The following COLQ variants were observed in gnomAD, a reference collection of about 807,000 sequenced individuals.
COLQ encodes the protein collagen like tail subunit of asymmetric acetylcholinesterase.
Under a neutral mutation model 69.0 loss-of-function variants are expected in COLQ, and 48 were observed. The ratio of observed to expected loss-of-function variants is 0.70; its 90% CI spans 0.55 to 0.88. COLQ has a LOEUF of 0.88. Among genes scored for constraint, COLQ ranks in the 40% least tolerant of loss-of-function variants. COLQ has a pLI of 0.00. For missense variants in COLQ, 618 were observed against 594.6 expected (o/e 1.04, Z -0.41); for synonymous variants, 217 against 211.2 (o/e 1.03, Z -0.24).
intron 11 of COLQ, among the ~76,000 whole-genome samples, chr3:15,469,121 C>T (rs995975257): frequency 1.3e-5 from 2 of 152,204 alleles, no homozygotes; most frequent in Non-Finnish European, 1.5e-5. Context: ...GCAGCACCCT[C>T]GGGTTGTTCA....
chr3:15,478,764 T>C, intron 5 of COLQ: 1 of 646,730 alleles, frequency 1.5e-6, no homozygotes, highest in Non-Finnish European at 2.7e-6. Flanking sequence ...GAAGTCTGAA[T>C]GCCTGGCAGT....
chr3:15,460,940 C>T (rs2062102772), intron 12 of COLQ, among the ~76,000 whole-genome samples: 1 of 152,084 alleles, frequency 6.6e-6, no homozygotes, highest in Admixed American at 6.5e-5. Context: ...AGAACCATGG[C>T]CTGAGAGACA....
chr3:15,485,749 G>A (rs2062562473), intron 3 of COLQ, among the ~76,000 whole-genome samples: 1 of 152,118 alleles, frequency 6.6e-6, no homozygotes, highest in Admixed American at 6.5e-5. Context: ...CTTGAGCCCA[G>A]GAGTTTGAGA....
intron 12 of COLQ, among the ~76,000 whole-genome samples, chr3:15,465,867 A>G (rs1038236730): frequency 1.3e-5 from 2 of 152,174 alleles, no homozygotes; most frequent in Non-Finnish European, 2.9e-5. Flanking sequence ...GGCCTCCCAA[A>G]GTGCTGAAAT....
chr3:15,489,492 T>C (rs777690762), intron 2 of COLQ, 33 bp downstream of exon 2: 2 of 1,604,212 alleles, frequency 1.2e-6, no homozygotes, highest in Non-Finnish European at 1.7e-6. Flanking sequence ...TAGCCTGCAC[T>C]TTTTTTCCTC....
intron 1 of COLQ, among the ~76,000 whole-genome samples, chr3:15,506,105 C>T (rs188429254): frequency 6.6e-6 from 1 of 152,262 alleles, no homozygotes; most frequent in African/African-American, 2.4e-5. Context: ...AATTGGGGAG[C>T]CTAGGGTTGA....
At chr3:15,453,433 C>G (rs1032275928) in intron 16 of COLQ, among the ~76,000 whole-genome samples, 3 of 152,166 alleles carry the variant, frequency 2.0e-5, no homozygotes, top group Admixed American at 2.0e-4. Flanking sequence ...GTAGACATGT[C>G]GATTCTTGGA....
rs1236615271 is a variant in COLQ at position 15,458,315 on chromosome 3, TA to T, written c.824del (p.Ile275LysfsTer23). On this transcript the variant is annotated frameshift_variant, in exon 13 of 17. Transcript: ENST00000383788. LOFTEE classifies it high-confidence loss of function. ...PPGPPPAGQL[I>X]MGPKGERGFP... ...ATCCTCTTTCCCCTTTGGGTCCCAT[TA>T]TAAGTTGTCCTAGGAAGCAACAGAC... 2 of 1,614,080 alleles carry T rather than the reference TA, an allele frequency of 1.2e-6. No homozygotes were observed. Among genetic ancestry groups the T allele is most frequent in the Admixed American group, 3.3e-5 (2 of 60,014 alleles).
chr3:15,458,065 G>T, intron 13 of COLQ, 121 bp downstream of exon 13: 1 of 1,034,596 alleles, frequency 9.7e-7, no homozygotes, highest in Non-Finnish European at 1.5e-6. Flanking sequence ...CCTATAATGA[G>T]GGTGTACTCA....
chr3:15,504,207 T>C (rs907911094), intron 1 of COLQ, among the ~76,000 whole-genome samples: 1 of 152,154 alleles, frequency 6.6e-6, no homozygotes, highest in Admixed American at 6.5e-5. Context: ...TACAGCAAAA[T>C]GATAGCCAGT....
At chr3:15,498,140 C>T (rs1165343417) in intron 1 of COLQ, among the ~76,000 whole-genome samples, 1 of 152,102 alleles carries the variant, frequency 6.6e-6, no homozygotes, top group Non-Finnish European at 1.5e-5. Context: ...CTACAGAACA[C>T]GATTTTACTT....
intron 10 of COLQ, among the ~76,000 whole-genome samples, chr3:15,472,048 T>C (rs1030152223): frequency 6.6e-6 from 1 of 152,164 alleles, no homozygotes; most frequent in East Asian, 1.9e-4. Context: ...AGGAATTTCT[T>C]GATCTAATTT....
chr3:15,456,046 C>G, intron 14 of COLQ, 27 bp from the exon 15 acceptor site: 1 of 1,613,710 alleles, frequency 6.2e-7, no homozygotes, highest in Non-Finnish European at 8.5e-7. Context: ...ACAGCATTAA[C>G]TGGAGCATGG....
chr3:15,503,598 C>T (rs9823378), intron 1 of COLQ, among the ~76,000 whole-genome samples: 39,374 of 152,040 alleles, frequency 0.26, 5,513 homozygotes, highest in African/African-American at 0.37. Flanking sequence ...TAGTGAGGTG[C>T]CAACAATGGG....
At chr3:15,474,353 T>C (rs1427158681) in intron 8 of COLQ, 81 bp from the exon 9 acceptor site, 1 of 1,431,466 alleles carries the variant, frequency 7.0e-7, no homozygotes, top group Non-Finnish European at 9.9e-7. Context: ...AAAAGCTCCC[T>C]AAACCAAAAC....
At chr3:15,481,684 C>A (rs960977016) in intron 3 of COLQ, among the ~76,000 whole-genome samples, 3 of 152,126 alleles carry the variant, frequency 2.0e-5, no homozygotes, top group Admixed American at 2.0e-4. Flanking sequence ...TTAAGATTGT[C>A]TTGGCAATGT....
chr3:15,465,801 G>C (rs976543322), intron 12 of COLQ, among the ~76,000 whole-genome samples: 3 of 150,500 alleles, frequency 2.0e-5, no homozygotes, highest in African/African-American at 7.3e-5. Context: ...AACGGTTTTT[G>C]CCATGGTTGA....
At chr3:15,478,185 A>G (rs1414932122) in intron 5 of COLQ, among the ~76,000 whole-genome samples, 1 of 152,022 alleles carries the variant, frequency 6.6e-6, no homozygotes. Context: ...GACCATTGCC[A>G]TGGAGACCAC....
intron 1 of COLQ, chr3:15,498,367 G>A (rs911932427): frequency 1.5e-5 from 12 of 801,972 alleles, no homozygotes; most frequent in Non-Finnish European, 2.1e-5. Context: ...AAACAGCCCT[G>A]TGAAAGAAAA....
Sources: gnomAD v4.1 joint callset for allele counts (sites outside exome capture counted in the v4.1 genomes callset) on GRCh38, gnomAD v4.1.1 for gene constraint, MANE v1.5 for transcripts, NCBI Gene and HGNC (gene_info 2026-07-23, HGNC 2026-07-21) for gene names.